EBF1: variants seen among roughly 807,000 people sequenced by gnomAD.
EBF1 encodes the protein transcription factor COE1.
Under a neutral mutation model 68.4 loss-of-function variants are expected in EBF1, and 10 were observed. That is an observed-to-expected ratio of 0.15 (90% CI 0.09 to 0.25). The LOEUF (loss-of-function observed/expected upper bound fraction) is 0.25. Ranked by LOEUF, EBF1 falls within the 10% of genes least tolerant of loss-of-function variation. The pLI, the probability that EBF1 is intolerant of heterozygous loss-of-function variation, is 1.00. For synonymous variants in EBF1, 298 were observed against 299.8 expected (o/e 0.99, Z 0.06); for missense variants, 509 against 794.4 (o/e 0.64, Z 4.32).
intron 2 of EBF1, chr5:159,096,658 G>C (rs530480600): frequency 4.9e-6 from 3 of 606,546 alleles, no homozygotes; most frequent in South Asian, 2.0e-5. Flanking sequence ...CTAGGGGCTC[G>C]TGCCCCGGCC....
chr5:158,915,338 A>G (rs1806922061), intron 6 of EBF1, among the ~76,000 whole-genome samples: 1 of 152,242 alleles, frequency 6.6e-6, no homozygotes, highest in Non-Finnish European at 1.5e-5. Flanking sequence ...CTCAAAACAC[A>G]AATTTACCAT....
intron 6 of EBF1, among the ~76,000 whole-genome samples, chr5:158,865,102 C>T (rs1383403847): frequency 1.3e-5 from 2 of 152,174 alleles, no homozygotes; most frequent in East Asian, 3.8e-4. Context: ...GAGAAACCGG[C>T]CCACCTTCTC....
At chr5:158,737,270 T>G in intron 10 of EBF1, among the ~76,000 whole-genome samples, 1 of 35,364 alleles carries the variant, frequency 2.8e-5, no homozygotes, top group Admixed American at 2.3e-4. Context: ...GCCCTGATTT[T>G]TTTTTTTTTT....
chr5:158,738,152 A>T (rs936178591), intron 10 of EBF1, among the ~76,000 whole-genome samples: 3 of 152,282 alleles, frequency 2.0e-5, no homozygotes. Flanking sequence ...AAAAATATAG[A>T]TTATATACAG....
At chr5:158,879,626 G>A (rs1440629521) in intron 6 of EBF1, among the ~76,000 whole-genome samples, 1 of 152,138 alleles carries the variant, frequency 6.6e-6, no homozygotes, top group Non-Finnish European at 1.5e-5. Flanking sequence ...ACATATGTGT[G>A]CATGTCAGCA....
chr5:158,819,139 T>C (rs1210354923), intron 8 of EBF1, among the ~76,000 whole-genome samples: 2 of 151,968 alleles, frequency 1.3e-5, no homozygotes, highest in Admixed American at 1.3e-4. Flanking sequence ...CACACCAAAA[T>C]AAAAAAATAC....
intron 6 of EBF1, among the ~76,000 whole-genome samples, chr5:158,889,777 T>C (rs1026823591): frequency 6.6e-6 from 1 of 152,198 alleles, no homozygotes; most frequent in Non-Finnish European, 1.5e-5. Flanking sequence ...CTACTCCTCT[T>C]CTGCAGTTGG....
At chr5:159,065,649 TA>T (rs552394085) in intron 6 of EBF1, among the ~76,000 whole-genome samples, 31 of 146,464 alleles carry the variant, frequency 2.1e-4, no homozygotes, top group South Asian at 1.3e-3. Flanking sequence ...AAAAGGACAT[TA>T]AAAAAAAAAC....
intron 6 of EBF1, among the ~76,000 whole-genome samples, chr5:158,971,809 C>T (rs143689730): frequency 6.7e-4 from 102 of 152,220 alleles, no homozygotes; most frequent in Non-Finnish European, 8.8e-4. Flanking sequence ...GAGTGCTCTC[C>T]CTCACCTCCA....
rs55736937 is a variant in EBF1 at position 158,779,547 on chromosome 5, A to G, written c.910-2008T>C. 8.2e-3 allele frequency among the ~76,000 whole-genome samples: 1,241 copies of G among 152,222 alleles called. 14 individuals are homozygous for G. Among genetic ancestry groups the G allele is most frequent in the African/African-American group, 0.028 (1,178 of 41,550 alleles). On this transcript the variant is annotated intron_variant, in intron 9 of 15. Transcript: ENST00000313708. ...GTGGTAAAGGATGTTCCATGTTGTT[A>G]TATTTCAAATAGAAGGTATGCTTCT...
At chr5:158,785,216 G>A (rs1777187508) in intron 9 of EBF1, among the ~76,000 whole-genome samples, 1 of 152,088 alleles carries the variant, frequency 6.6e-6, no homozygotes, top group Non-Finnish European at 1.5e-5. Flanking sequence ...GATTTTTAAA[G>A]AGATACCAAG....
intron 2 of EBF1, 161 bp from the exon 3 acceptor site, chr5:159,096,567 T>C (rs1183874100): frequency 1.3e-6 from 1 of 748,476 alleles, no homozygotes; most frequent in African/African-American, 1.7e-5. Flanking sequence ...TGATCCCTCC[T>C]CCGCCCCCTG....
chr5:158,956,493 G>A (rs532513751), intron 6 of EBF1, among the ~76,000 whole-genome samples: 37 of 151,056 alleles, frequency 2.4e-4, no homozygotes, highest in African/African-American at 7.6e-4. Flanking sequence ...ACACACACAC[G>A]CACGCACACT....
chr5:158,903,245 C>A (rs546141011), intron 6 of EBF1, among the ~76,000 whole-genome samples: 1 of 152,350 alleles, frequency 6.6e-6, no homozygotes, highest in East Asian at 1.9e-4. Flanking sequence ...GAAGATTACT[C>A]ACTGCCTACA....
Position 158,700,051 on chromosome 5 carries a change from A to T in EBF1, c.1745-909T>A, listed in dbSNP as rs189149655. Among the ~76,000 whole-genome samples the T allele has an allele frequency of 3.1e-4, 47 of 152,332 alleles. No homozygotes were observed. In the East Asian group the frequency reaches 7.3e-3, roughly 24 times the overall value. On this transcript the variant is annotated intron_variant, in intron 15 of 15. Coordinates refer to ENST00000313708, the MANE Select transcript of EBF1 (RefSeq NM_024007.5). ...TTAGGGTTATTGGAGAGGTGAATAA[A>T]ATGACACATGCAAAGTGCTTAGCCT...
intron 6 of EBF1, among the ~76,000 whole-genome samples, chr5:159,066,291 C>T (rs1776785645): frequency 6.6e-6 from 1 of 152,092 alleles, no homozygotes. Flanking sequence ...TTACCAAGTG[C>T]CATTTTGGAG....
intron 6 of EBF1, among the ~76,000 whole-genome samples, chr5:159,045,623 TAATG>T (rs913314365): frequency 1.3e-5 from 2 of 152,168 alleles, no homozygotes; most frequent in African/African-American, 4.8e-5. Context: ...TTTAGGTACT[TAATG>T]AATGATTCAA....
intron 9 of EBF1, 64 bp downstream of exon 9, chr5:158,796,281 C>T: frequency 6.8e-7 from 1 of 1,474,670 alleles, no homozygotes; most frequent in Non-Finnish European, 9.1e-7. Flanking sequence ...ATTAGAAATT[C>T]AAGTATAGAC....
chr5:158,904,790 C>T (rs1421836668), intron 6 of EBF1, among the ~76,000 whole-genome samples: 1 of 152,238 alleles, frequency 6.6e-6, no homozygotes, highest in African/African-American at 2.4e-5. Flanking sequence ...GGCACATGCT[C>T]GCCGGTCTGC....
Sources: gnomAD v4.1 joint callset for allele counts (sites outside exome capture counted in the v4.1 genomes callset) on GRCh38, gnomAD v4.1.1 for gene constraint, MANE v1.5 for transcripts, NCBI Gene and HGNC (gene_info 2026-07-23, HGNC 2026-07-21) for gene names.